NUMA1: variants seen among roughly 807,000 people sequenced by gnomAD.
NUMA1 encodes the protein SP-H antigen.
A neutral mutation model predicts 237.1 loss-of-function variants in NUMA1; 62 were observed. That is an observed-to-expected ratio of 0.26 (90% CI 0.21 to 0.32). The LOEUF (loss-of-function observed/expected upper bound fraction) is 0.32, where lower values mean the gene tolerates loss of function less well. Among genes scored for constraint, NUMA1 ranks in the 10% least tolerant of loss-of-function variants. The pLI is 1.00. For synonymous variants in NUMA1, 1,028 were observed against 1,066.1 expected (o/e 0.96, Z 0.70); for missense variants, 2,533 against 2,666.5 (o/e 0.95, Z 1.10).
At chr11:72,077,453 GA>G (rs895335968) in intron 1 of NUMA1, among the ~76,000 whole-genome samples, 4 of 152,062 alleles carry the variant, frequency 2.6e-5, no homozygotes, top group Non-Finnish European at 5.9e-5. Flanking sequence ...GAATTTCAAT[GA>G]AAAAACACTT....
At chr11:72,070,879 C>T (rs1171559153) in intron 1 of NUMA1, among the ~76,000 whole-genome samples, 2 of 152,248 alleles carry the variant, frequency 1.3e-5, no homozygotes, top group East Asian at 3.8e-4. Context: ...TAGTGTCTCA[C>T]TGTGAGCATC....
intron 2 of NUMA1, among the ~76,000 whole-genome samples, chr11:72,058,750 T>C (rs943849098): frequency 1.3e-5 from 2 of 152,120 alleles, no homozygotes; most frequent in East Asian, 1.9e-4. Flanking sequence ...ATAGTTACTG[T>C]TGGTAAATTG....
intron 3 of NUMA1, among the ~76,000 whole-genome samples, chr11:72,035,213 G>A (rs1940862244): frequency 1.3e-5 from 2 of 151,968 alleles, no homozygotes; most frequent in South Asian, 4.1e-4. Flanking sequence ...CACTGTCTCT[G>A]GTAGAAAATG....
At chr11:72,010,416 A>G (rs1486953818) in intron 17 of NUMA1, among the ~76,000 whole-genome samples, 1 of 152,240 alleles carries the variant, frequency 6.6e-6, no homozygotes, top group Non-Finnish European at 1.5e-5. Context: ...AACTTTATGC[A>G]ATGGTGGAAT....
At chr11:72,073,464 G>A (rs1017647171) in intron 1 of NUMA1, among the ~76,000 whole-genome samples, 2 of 152,178 alleles carry the variant, frequency 1.3e-5, no homozygotes, top group Non-Finnish European at 1.5e-5. Flanking sequence ...CACCTTTGAA[G>A]AGCAAAGTTA....
intron 13 of NUMA1, 145 bp from the exon 14 acceptor site, chr11:72,016,675 C>T: frequency 9.9e-7 from 1 of 1,009,028 alleles, no homozygotes; most frequent in Non-Finnish European, 1.5e-6. Flanking sequence ...AAAGCAGAAA[C>T]CATGGAACTG....
chr11:72,009,331 CT>C lies in NUMA1; in HGVS notation c.4775del (p.Gln1592ArgfsTer2). Reference protein sequence around the residue: ...SQQEAQRLQAQLNELQAQLSQ... With the variant: ...SQQEAQRLQAXLNELQAQLSQ... ...TCAACTGGGCTTGCAGTTCATTCAGCTGGGCCTGGAGGCGCTGGGCCTCCTG... is the reference window on the plus strand; with the variant it reads ...TCAACTGGGCTTGCAGTTCATTCAGCGGGCCTGGAGGCGCTGGGCCTCCTG... On this transcript the variant is annotated frameshift_variant, in exon 18 of 27. Coordinates refer to ENST00000393695, the MANE Select transcript of NUMA1 (RefSeq NM_006185.4). LOFTEE classifies it high-confidence loss of function. 6.2e-7 allele frequency: 1 copy of C among 1,613,408 alleles called. No individual in the cohort carries two copies. Among genetic ancestry groups the C allele is most frequent in the Non-Finnish European group, 8.5e-7 (1 of 1,179,982 alleles).
intron 20 of NUMA1, chr11:72,008,281 CCTTT>C (rs769451730): frequency 6.1e-5 from 23 of 374,288 alleles, no homozygotes; most frequent in Non-Finnish European, 1.1e-4. Flanking sequence ...TTCCAAGGTT[CCTTT>C]TTTTTTCTCC....
At position 72,008,713 on chromosome 11, in the gene NUMA1, C is replaced by T. The variant is rs750772624; in HGVS notation, c.5191G>A (p.Glu1731Lys). 3.7e-6 allele frequency: 6 copies of T among 1,614,038 alleles called. No homozygotes were observed. The highest frequency in any genetic ancestry group is 3.3e-5 in the South Asian group (3 of 91,094). Residue 1731 changes from glutamate to lysine, a missense_variant, in exon 20 of 27, where the codon GAG (glutamate) becomes AAG (lysine). Around this residue, in one of 3 missense-constraint regions of NUMA1, gnomAD observed 795 missense variants for 750.8 expected, o/e 1.06. Coordinates refer to ENST00000393695, the MANE Select transcript of NUMA1 (RefSeq NM_006185.4). ...SIDSLDLSCEEGTPLSITSKL... is the reference protein window; with the variant it reads ...SIDSLDLSCEKGTPLSITSKL... The stretch of plus-strand genomic sequence containing the variant: ...CTGGTGATACTGAGTGGGGTCCCCT[C>T]CTCGCAGCTCAGATCCAGGCTGTCA...
At chr11:72,064,896 A>T (rs1273536697) in intron 2 of NUMA1, among the ~76,000 whole-genome samples, 2 of 152,194 alleles carry the variant, frequency 1.3e-5, no homozygotes, top group Non-Finnish European at 2.9e-5. Flanking sequence ...TTTTGAAACT[A>T]TATATACAAA....
At chr11:72,026,086 C>T (rs1474789362) in intron 4 of NUMA1, among the ~76,000 whole-genome samples, 1 of 152,198 alleles carries the variant, frequency 6.6e-6, no homozygotes, top group Admixed American at 6.5e-5. Context: ...GACCACAAAA[C>T]CCTTTTCCCC....
intron 1 of NUMA1, among the ~76,000 whole-genome samples, chr11:72,074,925 T>G (rs1054881345): frequency 6.6e-6 from 1 of 151,924 alleles, no homozygotes; most frequent in African/African-American, 2.4e-5. Flanking sequence ...TCCCAGCTAC[T>G]TGGGAGGCTG....
intron 2 of NUMA1, chr11:72,049,592 G>GTA (rs1942221466): frequency 6.1e-5 from 1 of 16,480 alleles, no homozygotes; most frequent in Admixed American, 4.4e-4. Context: ...TAGTGTGTGT[G>GTA]TGTGTATATA....
chr11:72,033,237 T>C (rs1940559857), intron 3 of NUMA1, among the ~76,000 whole-genome samples: 1 of 152,174 alleles, frequency 6.6e-6, no homozygotes, highest in Non-Finnish European at 1.5e-5. Flanking sequence ...CATGGCTAAC[T>C]GCAACCTCAA....
intron 2 of NUMA1, chr11:72,040,652 A>G (rs1282806190): frequency 6.6e-6 from 1 of 152,236 alleles, no homozygotes; most frequent in Non-Finnish European, 1.5e-5. Context: ...AGCTGTCTCT[A>G]CAGCTCAACG....
At position 72,007,300 on chromosome 11, in the gene NUMA1, G is replaced by T. The variant is rs775557828; in HGVS notation, c.5352C>A (p.Ala1784=). The T allele has an allele frequency of 6.2e-7, 1 of 1,613,318 alleles. No homozygotes were observed. The highest frequency in any genetic ancestry group is 1.1e-5 in the South Asian group (1 of 91,018). Residue 1784 remains alanine (A), a synonymous_variant, in exon 21 of 27, where the codon GCC becomes GCA. Coordinates refer to ENST00000393695, the MANE Select transcript of NUMA1 (RefSeq NM_006185.4). ...YFTPIPARSQ[A]PLESSLDSLG... ...GGGAGTCCAGGCTGCTCTCCAGGGGGGCCTGACTCCGAGCAGGGATGGGAG... is the reference window on the plus strand; with the variant it reads ...GGGAGTCCAGGCTGCTCTCCAGGGGTGCCTGACTCCGAGCAGGGATGGGAG...
Position 72,003,348 on chromosome 11 carries a change from G to T in NUMA1, c.*179C>A. On this transcript the variant is annotated 3_prime_UTR_variant, in exon 27 of 27. Transcript: ENST00000393695. ...TCCAGGCCCCCTGGGCCAGCTCCGA[G>T]AAGGCGCCAGTGAAGGACCAGGGAC... The T allele has an allele frequency of 1.5e-6, 1 of 655,414 alleles. No homozygotes were observed. 40.6% of individuals were successfully genotyped at this position (655,414 alleles called of 1,614,324 possible).
chr11:72,055,119 TAAAG>T (rs1335947417), intron 2 of NUMA1, among the ~76,000 whole-genome samples: 1 of 152,158 alleles, frequency 6.6e-6, no homozygotes, highest in African/African-American at 2.4e-5. Context: ...GCAAAGGTGA[TAAAG>T]AGAATAGATT....
intron 2 of NUMA1, among the ~76,000 whole-genome samples, chr11:72,052,347 A>G (rs2136044114): frequency 6.6e-6 from 1 of 152,326 alleles, no homozygotes; most frequent in South Asian, 2.1e-4. Flanking sequence ...TATGAGCAGG[A>G]TAAGTAGAGT....
Sources: allele counts gnomAD v4.1 joint callset (sites outside exome capture counted in the v4.1 genomes callset), GRCh38; gene constraint gnomAD v4.1.1; regional missense constraint gnomAD v4.1.1; transcripts MANE v1.5; gene names NCBI Gene and HGNC (gene_info 2026-07-23, HGNC 2026-07-21).